PRKAR1B: variants seen among roughly 807,000 people sequenced by gnomAD.
The protein encoded by PRKAR1B is cAMP-dependent protein kinase type I-beta regulatory subunit.
PRKAR1B carries 22 observed loss-of-function variants against 46.5 expected under a neutral mutation model. The observed-to-expected ratio is 0.47, with a 90% CI of 0.34 to 0.68. The LOEUF (loss-of-function observed/expected upper bound fraction) is 0.68, where lower values mean the gene tolerates loss of function less well. Ranked by LOEUF, PRKAR1B falls within the 30% of genes least tolerant of loss-of-function variation. The pLI is 0.01. For missense variants in PRKAR1B, 445 were observed against 535.6 expected (o/e 0.83, Z 1.67); for synonymous variants, 259 against 217.7 (o/e 1.19, Z -1.67).
chr7:680,810 A>C, intron 2 of PRKAR1B, 84 bp from the exon 3 acceptor site: 4 of 1,496,828 alleles, frequency 2.7e-6, no homozygotes, highest in Non-Finnish European at 3.7e-6. Flanking sequence ...TGATCCCAGC[A>C]CTGTGGGAGG....
intron 9 of PRKAR1B, among the ~76,000 whole-genome samples, chr7:577,679 G>A (rs544269814): frequency 2.0e-5 from 3 of 152,234 alleles, no homozygotes; most frequent in East Asian, 3.9e-4. Context: ...TGAATCCGAA[G>A]GGAGGGGGCT....
chr7:678,036 C>T (rs1778433452), intron 3 of PRKAR1B, among the ~76,000 whole-genome samples: 2 of 152,106 alleles, frequency 1.3e-5, no homozygotes, highest in African/African-American at 4.8e-5. Flanking sequence ...TTTGAGAGGC[C>T]GAGGCAGGCG....
At chr7:726,340 C>G (rs1347019345) in intron 1 of PRKAR1B, among the ~76,000 whole-genome samples, 5 of 152,298 alleles carry the variant, frequency 3.3e-5, no homozygotes, top group Middle Eastern at 3.4e-3. Flanking sequence ...GCGGCTCAAA[C>G]AGGGGCTTCC....
At chr7:610,038 C>T (rs1383929423) in intron 4 of PRKAR1B, among the ~76,000 whole-genome samples, 2 of 152,190 alleles carry the variant, frequency 1.3e-5, no homozygotes, top group Non-Finnish European at 2.9e-5. Flanking sequence ...CCGCTGCACC[C>T]GCCCTGCCTG....
chr7:576,140 GGC>G (rs1779812807), intron 9 of PRKAR1B, among the ~76,000 whole-genome samples: 7 of 150,406 alleles, frequency 4.7e-5, no homozygotes, highest in Non-Finnish European at 7.4e-5. Flanking sequence ...CGTGCACGCT[GGC>G]ATCCTCTCCT....
intron 4 of PRKAR1B, among the ~76,000 whole-genome samples, chr7:610,899 C>T (rs1782443256): frequency 6.6e-6 from 1 of 152,242 alleles, no homozygotes; most frequent in African/African-American, 2.4e-5. Flanking sequence ...AACACAGCTT[C>T]GCACTTCTGC....
intron 9 of PRKAR1B, among the ~76,000 whole-genome samples, chr7:576,194 C>T (rs368427948): frequency 4.6e-4 from 69 of 149,600 alleles, no homozygotes; most frequent in African/African-American, 1.6e-3. Context: ...CTCTCCTCTG[C>T]ACATGGGCAG....
intron 9 of PRKAR1B, among the ~76,000 whole-genome samples, chr7:566,649 T>C (rs1479739789): frequency 8.3e-5 from 1 of 12,040 alleles, no homozygotes; most frequent in Non-Finnish European, 2.0e-4. Flanking sequence ...AGCACCTTGA[T>C]CACCATCATC....
intron 2 of PRKAR1B, among the ~76,000 whole-genome samples, chr7:685,290 G>A (rs200556832): frequency 0.099 from 1,160 of 11,764 alleles, 41 homozygotes; most frequent in African/African-American, 0.22. Context: ...GTATATATAT[G>A]TATACATATA....
chr7:647,955 G>A (rs1464176970), intron 4 of PRKAR1B, among the ~76,000 whole-genome samples: 5 of 151,608 alleles, frequency 3.3e-5, no homozygotes, highest in South Asian at 2.1e-4. Context: ...CGACCAGCTC[G>A]AGCAACACAT....
intron 2 of PRKAR1B, among the ~76,000 whole-genome samples, chr7:710,392 G>A (rs953543685): frequency 6.6e-6 from 1 of 152,224 alleles, no homozygotes; most frequent in Non-Finnish European, 1.5e-5. Flanking sequence ...GGACACAGCA[G>A]GAGGTGTCAC....
upstream of PRKAR1B, among the ~76,000 whole-genome samples, chr7:728,537 C>G (rs1583470416): frequency 6.6e-6 from 1 of 152,214 alleles, no homozygotes; most frequent in East Asian, 1.9e-4. Flanking sequence ...TGGTCCAGAA[C>G]TCCTGTGGAG....
intron 4 of PRKAR1B, among the ~76,000 whole-genome samples, chr7:643,788 G>A (rs2128486294): frequency 6.6e-6 from 1 of 152,216 alleles, no homozygotes; most frequent in African/African-American, 2.4e-5. Context: ...CAGGCAGGAG[G>A]TCTGTCAGCT....
intron 4 of PRKAR1B, among the ~76,000 whole-genome samples, chr7:654,330 C>CCA: frequency 6.7e-6 from 1 of 149,784 alleles, no homozygotes; most frequent in Non-Finnish European, 1.5e-5. Context: ...ATCCTCATCA[C>CCA]TATCCTCATC....
intron 4 of PRKAR1B, among the ~76,000 whole-genome samples, chr7:627,281 G>A (rs1279225214): frequency 3.3e-5 from 5 of 152,158 alleles, no homozygotes; most frequent in African/African-American, 1.2e-4. Flanking sequence ...TGAGCCACAG[G>A]GCCTGGCCCC....
At chr7:612,199 G>C (rs1357071436) in intron 4 of PRKAR1B, among the ~76,000 whole-genome samples, 23 of 147,884 alleles carry the variant, frequency 1.6e-4, no homozygotes, top group Non-Finnish European at 2.7e-4. Context: ...TGGGTGAGTA[G>C]ATCAACGGAT....
intron 2 of PRKAR1B, among the ~76,000 whole-genome samples, chr7:690,745 G>A (rs556798097): frequency 6.6e-6 from 1 of 152,288 alleles, no homozygotes; most frequent in Non-Finnish European, 1.5e-5. Context: ...TCAGGAAGGG[G>A]CTGGTGCTTC....
intron 9 of PRKAR1B, among the ~76,000 whole-genome samples, chr7:567,474 AC>A: frequency 6.7e-6 from 1 of 149,632 alleles, no homozygotes; most frequent in Non-Finnish European, 1.5e-5. Context: ...CACCATCATC[AC>A]CATCACCTTC....
At chr7:695,141 G>A (rs1482312505) in intron 2 of PRKAR1B, among the ~76,000 whole-genome samples, 1 of 152,168 alleles carries the variant, frequency 6.6e-6, no homozygotes, top group African/African-American at 2.4e-5. Context: ...CATATAAACT[G>A]TCATGACCAG....
Sources: allele counts gnomAD v4.1 joint callset (sites outside exome capture counted in the v4.1 genomes callset), GRCh38; gene constraint gnomAD v4.1.1; transcripts MANE v1.5; gene names NCBI Gene and HGNC (gene_info 2026-07-23, HGNC 2026-07-21).